The following DPYSL3 variants were observed in gnomAD, a reference collection of about 807,000 sequenced individuals.
DPYSL3 encodes the protein dihydropyrimidinase like 3.
A neutral mutation model predicts 66.1 loss-of-function variants in DPYSL3; 16 were observed. The observed-to-expected ratio is 0.24, with a 90% CI of 0.16 to 0.37. The LOEUF is 0.37. Ranked by LOEUF, DPYSL3 falls within the 10% of genes least tolerant of loss-of-function variation. The pLI, the probability that DPYSL3 is intolerant of heterozygous loss-of-function variation, is 1.00. For synonymous variants in DPYSL3, 338 were observed against 345.1 expected (o/e 0.98, Z 0.23); for missense variants, 738 against 916.2 (o/e 0.81, Z 2.51).
Position 147,509,834 on chromosome 5 carries a change from C to T in DPYSL3, c.25G>A (p.Asp9Asn), listed in dbSNP as rs1276998376. 2.6e-6 allele frequency: 4 copies of T among 1,532,564 alleles called. No homozygotes were observed. Among genetic ancestry groups the T allele is most frequent in the East Asian group, 4.9e-5 (2 of 40,798 alleles). The allele number at this position is 1,532,564 out of a possible 1,614,324, so 94.9% of individuals were successfully genotyped here. The change falls in exon 1 of 14, where the codon GAC becomes AAC. Residue 9 changes from aspartate (D) to asparagine (N), a missense_variant. Asp to Asn is a conservative substitution (Grantham distance 23). Coordinates refer to ENST00000343218, the MANE Select transcript of DPYSL3 (RefSeq NM_001197294.2). The surrounding 1 kb of genome is among the most constrained non-coding windows in gnomAD (Gnocchi z 5.3). ...GGCAGATCGTCTTCGTGGGAGCTGT[C>T]CCAGCCCCTCCGGCCCGAGGCCATG... MASGRRGW[D>N]SSHEDDLPVY... is the part of the protein sequence containing the mutation.
Position 147,408,748 on chromosome 5 carries a change from C to T in DPYSL3, c.1012G>A (p.Val338Ile), listed in dbSNP as rs367968514. ...EMGITGPEGH[V>I]LSRPEELEAE... ...CTTACCTCTTCTGGCCTGCTCAGTACATGGCCTTCTGGGCCAGTTATCCCC... is the reference window on the plus strand; with the variant it reads ...CTTACCTCTTCTGGCCTGCTCAGTATATGGCCTTCTGGGCCAGTTATCCCC... Residue 338 changes from valine (V) to isoleucine (I), a missense_variant, in exon 7 of 14, where the codon GTA becomes ATA. Val to Ile is a conservative substitution (Grantham distance 29). Transcript: ENST00000343218. 6.2e-7 allele frequency: 1 copy of T among 1,614,088 alleles called. No individual in the cohort carries two copies. The highest frequency in any genetic ancestry group is 1.3e-5 in the African/African-American group (1 of 74,934).
Position 147,415,773 on chromosome 5 carries a change from A to T in DPYSL3, c.756T>A (p.His252Gln). 1 of 1,614,092 alleles carries T rather than the reference A, an allele frequency of 6.2e-7. No individual in the cohort carries two copies. Among genetic ancestry groups the T allele is most frequent in the South Asian group, 1.1e-5 (1 of 91,076 alleles). Residue 252 changes from histidine to glutamine, a missense_variant, in exon 4 of 14, where the codon CAT (histidine) becomes CAA (glutamine). Physicochemically the swap from His to Gln is conservative, Grantham distance 24. Coordinates refer to ENST00000343218, the MANE Select transcript of DPYSL3 (RefSeq NM_001197294.2). Reference protein sequence around the residue: ...DGKSCCDYALHVDITHWNDSV... With the variant: ...DGKSCCDYALQVDITHWNDSV... The stretch of plus-strand genomic sequence containing the variant: ...TGTCATTCCAGTGGGTGATGTCCAC[A>T]TGCAGGGCATAGTCACAGCAACTCT...
At chr5:147,505,246 T>G (rs1034140786) in intron 1 of DPYSL3, among the ~76,000 whole-genome samples, 4 of 152,194 alleles carry the variant, frequency 2.6e-5, no homozygotes, top group Non-Finnish European at 5.9e-5. Flanking sequence ...GAGACGTTTT[T>G]TTTTTTGAGA....
At chr5:147,428,843 C>CT (rs1240196239) in intron 1 of DPYSL3, among the ~76,000 whole-genome samples, 2 of 152,062 alleles carry the variant, frequency 1.3e-5, no homozygotes, top group African/African-American at 4.8e-5. Context: ...GGATAAATAG[C>CT]TAATGCATGC....
chr5:147,458,661 C>T (rs1752887667), intron 1 of DPYSL3, among the ~76,000 whole-genome samples: 1 of 152,116 alleles, frequency 6.6e-6, no homozygotes, highest in South Asian at 2.1e-4. Context: ...AAACGGTGAC[C>T]ATAAATTTAA....
In DPYSL3 at chr5:147,413,576, C is replaced by T; in HGVS notation, c.882+20G>A. ...AAACCCATCCAGATACCCCAAACCA[C>T]ATAGCAAATGGGTTGTTACCTCTGT... On this transcript the variant is annotated intron_variant, in intron 5 of 13. Coordinates refer to ENST00000343218, the MANE Select transcript of DPYSL3 (RefSeq NM_001197294.2). 6.2e-7 allele frequency: 1 copy of T among 1,603,448 alleles called. No individual in the cohort carries two copies. The highest frequency in any genetic ancestry group is 8.5e-7 in the Non-Finnish European group (1 of 1,171,018).
At chr5:147,457,647 A>G (rs1364386959) in intron 1 of DPYSL3, among the ~76,000 whole-genome samples, 1 of 152,250 alleles carries the variant, frequency 6.6e-6, no homozygotes, top group African/African-American at 2.4e-5. Context: ...GGGCCAAAGA[A>G]AGGCTCAGTA....
At chr5:147,500,388 C>T (rs916366265) in intron 1 of DPYSL3, among the ~76,000 whole-genome samples, 1 of 151,894 alleles carries the variant, frequency 6.6e-6, no homozygotes, top group Non-Finnish European at 1.5e-5. Context: ...CTGAGGTGGG[C>T]GGATCACCTG....
chr5:147,508,021 C>G (rs1753704996), intron 1 of DPYSL3, among the ~76,000 whole-genome samples: 1 of 152,158 alleles, frequency 6.6e-6, no homozygotes, highest in African/African-American at 2.4e-5. Context: ...AAGGAATAAC[C>G]TTTCTATAGG....
chr5:147,403,828 G>GA (rs1758261019), intron 8 of DPYSL3, among the ~76,000 whole-genome samples: 1 of 152,154 alleles, frequency 6.6e-6, no homozygotes, highest in African/African-American at 2.4e-5. Context: ...TTTCATCCCT[G>GA]AAATAATACC....
At chr5:147,464,340 G>A (rs943817126) in intron 1 of DPYSL3, among the ~76,000 whole-genome samples, 4 of 152,280 alleles carry the variant, frequency 2.6e-5, no homozygotes, top group East Asian at 1.9e-4. Context: ...CGAAATACAC[G>A]CTTTCCACTT....
chr5:147,396,830 C>T (rs1377069801), intron 12 of DPYSL3, among the ~76,000 whole-genome samples: 1 of 148,654 alleles, frequency 6.7e-6, no homozygotes, highest in Non-Finnish European at 1.5e-5. Context: ...CATATATATA[C>T]AAACACATAT....
chr5:147,434,867 C>CA (rs1752388429), intron 1 of DPYSL3, among the ~76,000 whole-genome samples: 1 of 152,026 alleles, frequency 6.6e-6, no homozygotes, highest in Non-Finnish European at 1.5e-5. Flanking sequence ...TTGTTAAGAC[C>CA]CGTAGAACTA....
intron 1 of DPYSL3, among the ~76,000 whole-genome samples, chr5:147,430,103 G>T (rs1181126112): frequency 3.3e-5 from 5 of 151,200 alleles, no homozygotes; most frequent in Non-Finnish European, 7.4e-5. Flanking sequence ...GAGGAACAAA[G>T]AAATGAATAA....
chr5:147,472,485 CT>C (rs1753100165), intron 1 of DPYSL3: 1 of 152,142 alleles, frequency 6.6e-6, no homozygotes, highest in Non-Finnish European at 1.5e-5. Flanking sequence ...CTTCCAACCT[CT>C]TTGGGTTGAT....
chr5:147,500,656 A>C (rs1003145800), intron 1 of DPYSL3, among the ~76,000 whole-genome samples: 1 of 152,028 alleles, frequency 6.6e-6, no homozygotes. Flanking sequence ...TAAATGACTC[A>C]ATTAAAAAAT....
intron 1 of DPYSL3, among the ~76,000 whole-genome samples, chr5:147,452,777 A>G (rs1162853911): frequency 6.6e-6 from 1 of 152,126 alleles, no homozygotes; most frequent in African/African-American, 2.4e-5. Context: ...CACTGCATGC[A>G]TACAGCGTGC....
chr5:147,456,379 T>G (rs1752852680), intron 1 of DPYSL3, among the ~76,000 whole-genome samples: 1 of 152,138 alleles, frequency 6.6e-6, no homozygotes, highest in South Asian at 2.1e-4. Context: ...GAGAGGAAGA[T>G]GTAGAAATAG....
At chr5:147,439,869 T>A (rs191097703) in intron 1 of DPYSL3, among the ~76,000 whole-genome samples, 96 of 152,326 alleles carry the variant, frequency 6.3e-4, no homozygotes, top group African/African-American at 2.2e-3. Flanking sequence ...ACCTTGACTG[T>A]GTCATTACTA....
Sources: gnomAD v4.1 joint callset for allele counts (sites outside exome capture counted in the v4.1 genomes callset) on GRCh38, gnomAD v4.1.1 for gene constraint, Gnocchi (gnomAD v3.1) non-coding constraint, MANE v1.5 for transcripts, NCBI Gene and HGNC (gene_info 2026-07-23, HGNC 2026-07-21) for gene names.